RYR2: variants seen among roughly 807,000 people sequenced by gnomAD.
RYR2 encodes the protein cardiac muscle ryanodine receptor-calcium release channel.
RYR2 carries 227 observed loss-of-function variants against 601.1 expected under a neutral mutation model. That is an observed-to-expected ratio of 0.38 (90% CI 0.34 to 0.42). The LOEUF (loss-of-function observed/expected upper bound fraction) is 0.42, where lower values mean the gene tolerates loss of function less well. RYR2 is among the 10% of genes least tolerant of loss of function. The pLI is 1.00. For synonymous variants in RYR2, 2,223 were observed against 2,175.1 expected (o/e 1.02, Z -0.61); for missense variants, 4,646 against 6,156.5 (o/e 0.75, Z 8.21).
chr1:237,351,926 CAAAATATT>C (rs1425034377), intron 3 of RYR2, among the ~76,000 whole-genome samples: 1 of 141,840 alleles, frequency 7.1e-6, no homozygotes, highest in African/African-American at 2.6e-5. Context: ...AAATCCTCCA[CAAAATATT>C]AAAATATTGG....
At chr1:237,398,235 G>A (rs1270287380) in intron 10 of RYR2, among the ~76,000 whole-genome samples, 2 of 152,106 alleles carry the variant, frequency 1.3e-5, no homozygotes, top group Non-Finnish European at 2.9e-5. Context: ...AGTCAGTTGG[G>A]GGGCTTGGTA....
chr1:237,223,623 G>A (rs1364478009), intron 1 of RYR2, among the ~76,000 whole-genome samples: 1 of 152,118 alleles, frequency 6.6e-6, no homozygotes, highest in Non-Finnish European at 1.5e-5. Context: ...TTAAGGTTAT[G>A]TAATAGAGGG....
At chr1:237,184,122 G>GTAAACCCAGAGTCAGGT (rs146451684) in intron 1 of RYR2, among the ~76,000 whole-genome samples, 6,784 of 152,180 alleles carry the variant, frequency 0.045, 485 homozygotes, top group African/African-American at 0.15. Flanking sequence ...CTTGGGCGGG[G>GTAAACCCAGAGTCAGGT]TAAACCCAGA....
chr1:237,725,153 G>T (rs1045525733), intron 74 of RYR2, among the ~76,000 whole-genome samples: 12 of 152,124 alleles, frequency 7.9e-5, no homozygotes, highest in Non-Finnish European at 1.6e-4. Context: ...ACTTAATGTA[G>T]ATATGAAGTA....
intron 60 of RYR2, among the ~76,000 whole-genome samples, chr1:237,677,400 T>A (rs1045073374): frequency 2.6e-5 from 4 of 152,218 alleles, no homozygotes; most frequent in Admixed American, 1.3e-4. Context: ...AATCAATTCT[T>A]GACCTTGGTA....
chr1:237,300,961 T>C (rs1693288853), intron 2 of RYR2, among the ~76,000 whole-genome samples: 2 of 152,072 alleles, frequency 1.3e-5, no homozygotes, highest in Non-Finnish European at 2.9e-5. Flanking sequence ...TCCTGGTACA[T>C]TGTAAGGACT....
chr1:237,139,777 A>T lies in RYR2; in HGVS notation c.48+97208A>T, dbSNP rs907101121. Among the ~76,000 whole-genome samples, 15 of 152,320 alleles carry T rather than the reference A, an allele frequency of 9.8e-5. No individual in the cohort carries two copies. In the East Asian group the frequency reaches 2.9e-3, roughly 29 times the overall value. The stretch of plus-strand genomic sequence containing the variant: ...ATATCTCCAAAATATTTCTATTTAG[A>T]TTCATTTTTACACAGCGCAAAACAC... On this transcript the variant is annotated intron_variant, in intron 1 of 104. Coordinates refer to ENST00000366574, the MANE Select transcript of RYR2 (RefSeq NM_001035.3).
Position 237,625,734 on chromosome 1 carries a change from G to C in RYR2, c.6096G>C (p.Leu2032=), listed in dbSNP as rs1482965096. Residue 2032 remains leucine (L), a synonymous_variant, in exon 40 of 105, where the codon CTG becomes CTC. Coordinates refer to ENST00000366574, the MANE Select transcript of RYR2 (RefSeq NM_001035.3). ...DLTIRGRLLS[L]VEKVTYLKKK... is the part of the protein sequence containing the mutation. ...CAATTAGAGGGCGTCTGCTATCCCT[G>C]GTAGAAAAGGTGACATATCTGAAGA... 3 of 1,613,698 alleles carry C rather than the reference G, an allele frequency of 1.9e-6. No homozygotes were observed. In the Admixed American group the frequency reaches 5.0e-5, roughly 27 times the overall value.
At chr1:237,786,128 A>G (rs769800352) in intron 91 of RYR2, 92 bp downstream of exon 91, 10 of 799,284 alleles carry the variant, frequency 1.3e-5, no homozygotes, top group Non-Finnish European at 1.8e-5. Context: ...GCAAGGGAGA[A>G]TCTCATATTG....
rs1463587790 is a variant in RYR2 at position 237,614,764 on chromosome 1, G to A, written c.5636G>A (p.Gly1879Asp). 6.2e-7 allele frequency: 1 copy of A among 1,612,706 alleles called. No individual in the cohort carries two copies. Among genetic ancestry groups the A allele is most frequent in the South Asian group, 1.1e-5 (1 of 91,058 alleles). The change falls in exon 37 of 105, where the codon GGT becomes GAT. Residue 1879 changes from glycine (G) to aspartate (D), a missense_variant. By Grantham distance (94) the Gly-to-Asp change is moderately conservative. This residue lies in a region of RYR2 where 1,807 missense variants were observed against 2,088.1 expected (regional missense o/e 0.87). Transcript: ENST00000366574. The surrounding 1 kb of genome is among the most constrained non-coding windows in gnomAD (Gnocchi z 4.3). ...SVDDAKLQGA[G>D]EEEAKGGKRP... ...GACGATGCAAAGCTGCAAGGAGCTGGTGAGGAAGAAGCCAAGGGGGGCAAG... is the reference window on the plus strand; with the variant it reads ...GACGATGCAAAGCTGCAAGGAGCTGATGAGGAAGAAGCCAAGGGGGGCAAG...
chr1:237,280,644 G>C (rs1382797890), intron 2 of RYR2, among the ~76,000 whole-genome samples: 1 of 152,130 alleles, frequency 6.6e-6, no homozygotes, highest in Non-Finnish European at 1.5e-5. Flanking sequence ...TTAGATACTT[G>C]AACAGAGTTC....
chr1:237,766,351 T>A (rs1241420231), intron 84 of RYR2, among the ~76,000 whole-genome samples: 1 of 152,216 alleles, frequency 6.6e-6, no homozygotes, highest in Non-Finnish European at 1.5e-5. Context: ...AGATTTCCCA[T>A]TTCTCAGTCA....
At chr1:237,831,368 T>C (rs1574128711) in intron 103 of RYR2, 146 bp from the exon 104 acceptor site, 1 of 575,462 alleles carries the variant, frequency 1.7e-6, no homozygotes, top group Non-Finnish European at 3.0e-6. Context: ...CTCTTTCTGG[T>C]ACACTAATTT....
At chr1:237,043,635 TCTC>T (rs1369682872) in intron 1 of RYR2, among the ~76,000 whole-genome samples, 1 of 152,138 alleles carries the variant, frequency 6.6e-6, no homozygotes, top group African/African-American at 2.4e-5. Flanking sequence ...AGTCGTTCCT[TCTC>T]CACTTCTGTC....
At chr1:237,788,644 A>C (rs887503944) in intron 92 of RYR2, among the ~76,000 whole-genome samples, 2 of 152,228 alleles carry the variant, frequency 1.3e-5, no homozygotes, top group Admixed American at 1.3e-4. Flanking sequence ...TCCAGGTATA[A>C]AAATATTAGC....
At chr1:237,700,868 A>T (rs1687908787) in intron 65 of RYR2, among the ~76,000 whole-genome samples, 1 of 152,224 alleles carries the variant, frequency 6.6e-6, no homozygotes, top group African/African-American at 2.4e-5. Flanking sequence ...CAATGTAATA[A>T]TGTGAAGACG....
rs2150421908 is a variant in RYR2, at chr1:237,493,032, C to A, written c.1906C>A (p.Leu636Ile). ...TAACCAGCATCTCATCTGTGACAAT[C>A]TCCTACCAGGAAGAGACTTGTTATT... The part of the protein sequence containing the change: ...RSNQHLICDN[L>I]LPGRDLLLQT... The change falls in exon 19 of 105, where the codon CTC becomes ATC. Residue 636 changes from leucine to isoleucine, a missense_variant. This residue lies in a region of RYR2 where 1,807 missense variants were observed against 2,088.1 expected (regional missense o/e 0.87). Coordinates refer to ENST00000366574, the MANE Select transcript of RYR2 (RefSeq NM_001035.3). The A allele has an allele frequency of 1.2e-6, 2 of 1,613,058 alleles. No individual in the cohort carries two copies. Among genetic ancestry groups the A allele is most frequent in the Non-Finnish European group, 1.7e-6 (2 of 1,179,546 alleles).
intron 1 of RYR2, among the ~76,000 whole-genome samples, chr1:237,102,136 A>G (rs949825698): frequency 6.6e-6 from 1 of 152,126 alleles, no homozygotes; most frequent in Non-Finnish European, 1.5e-5. Context: ...TTCGTGGTAG[A>G]CTGGGGCTGA....
At chr1:237,536,810 C>T (rs1264762332) in intron 25 of RYR2, among the ~76,000 whole-genome samples, 5 of 150,516 alleles carry the variant, frequency 3.3e-5, no homozygotes, top group South Asian at 4.2e-4. Context: ...GGCGTGAACC[C>T]GGGAGGCGGA....
Sources: allele counts gnomAD v4.1 joint callset (sites outside exome capture counted in the v4.1 genomes callset), GRCh38; gene constraint gnomAD v4.1.1; regional missense constraint gnomAD v4.1.1; non-coding constraint Gnocchi (gnomAD v3.1); transcripts MANE v1.5; gene names NCBI Gene and HGNC (gene_info 2026-07-23, HGNC 2026-07-21).